The following PCSK5 variants were observed in gnomAD, a reference collection of about 807,000 sequenced individuals.
PCSK5 encodes the protein prohormone convertase 5.
PCSK5 carries 129 observed loss-of-function variants against 233.2 expected under a neutral mutation model. The observed-to-expected ratio is 0.55, with a 90% CI of 0.48 to 0.64. The LOEUF is 0.64. PCSK5 is among the 30% of genes least tolerant of loss of function. The pLI is 0.00. For missense variants in PCSK5, 2,076 were observed against 2,430.1 expected (o/e 0.85, Z 3.06); for synonymous variants, 825 against 879.2 (o/e 0.94, Z 1.09).
At chr9:76,211,050 C>G (rs902879766) in intron 20 of PCSK5, among the ~76,000 whole-genome samples, 1 of 152,134 alleles carries the variant, frequency 6.6e-6, no homozygotes, top group African/African-American at 2.4e-5. Flanking sequence ...TTGGAGATAC[C>G]TGTAAAGTAT....
At chr9:75,914,578 C>T (rs1016540853) in intron 1 of PCSK5, among the ~76,000 whole-genome samples, 5 of 151,968 alleles carry the variant, frequency 3.3e-5, no homozygotes, top group African/African-American at 9.7e-5. Context: ...AATGAAAAAA[C>T]GAAGTCCCCT....
At chr9:76,286,963 C>T (rs941727415) in intron 24 of PCSK5, 28 of 228,756 alleles carry the variant, frequency 1.2e-4, no homozygotes, top group Admixed American at 8.9e-4. Flanking sequence ...GAAAGCACAC[C>T]GCTGTCTCTG....
Position 76,161,440 on chromosome 9 carries a change from C to T in PCSK5, c.1619+2269C>T, listed in dbSNP as rs1006810612. On this transcript the variant is annotated intron_variant, in intron 12 of 37. Transcript: ENST00000674117. ...CCGAAGCTAGGGAAGGCCTTTATTT[C>T]TTGCTTTTTTTTTTTTTCTTTACCA... Among the ~76,000 whole-genome samples, 32 of 133,566 alleles carry T rather than the reference C, an allele frequency of 2.4e-4. No individual in the cohort carries two copies. The East Asian group carries it at 6.1e-3, about 26-fold the overall frequency. The allele number at this position is 133,566 out of a possible 152,430, so 87.6% of individuals were successfully genotyped here. A position where few individuals can be genotyped will look rare whatever the true frequency, so the allele number is the denominator to read the frequency against.
intron 9 of PCSK5, among the ~76,000 whole-genome samples, chr9:76,123,585 A>G (rs1040353680): frequency 6.6e-6 from 1 of 152,196 alleles, no homozygotes; most frequent in Non-Finnish European, 1.5e-5. Flanking sequence ...TTTTATCCCC[A>G]GAAGAATTCT....
rs960074149 is a variant in PCSK5 at position 75,916,265 on chromosome 9, G to A, written c.193-16114G>A. Among the ~76,000 whole-genome samples, 4 of 152,286 alleles carry A rather than the reference G, an allele frequency of 2.6e-5. No individual in the cohort carries two copies. In the East Asian group the frequency reaches 7.7e-4, roughly 29 times the overall value. ...TATGGTGAAAATAGCACTGAGCTTGGTGTCGGAAAAATCTTGTTTCTTTCT... is the reference window on the plus strand; with the variant it reads ...TATGGTGAAAATAGCACTGAGCTTGATGTCGGAAAAATCTTGTTTCTTTCT... On this transcript the variant is annotated intron_variant, in intron 1 of 37. Coordinates refer to ENST00000674117, the MANE Select transcript of PCSK5 (RefSeq NM_001372043.1).
chr9:76,132,467 C>A (rs958510463), intron 9 of PCSK5, among the ~76,000 whole-genome samples: 2 of 151,938 alleles, frequency 1.3e-5, no homozygotes, highest in African/African-American at 4.8e-5. Flanking sequence ...TATAACTTTA[C>A]CAAGTAGTCT....
intron 1 of PCSK5, among the ~76,000 whole-genome samples, chr9:75,900,681 A>G: frequency 9.8e-6 from 1 of 101,806 alleles, no homozygotes; most frequent in Non-Finnish European, 2.0e-5. Context: ...TCTGTCTCAA[A>G]AAAAAAAAAA....
intron 34 of PCSK5, among the ~76,000 whole-genome samples, chr9:76,335,370 G>T (rs1391213562): frequency 2.0e-5 from 3 of 152,184 alleles, no homozygotes; most frequent in African/African-American, 7.2e-5. Context: ...TATTCATGAG[G>T]TATATGAGAA....
intron 2 of PCSK5, among the ~76,000 whole-genome samples, chr9:75,970,453 C>T (rs1825769534): frequency 6.6e-6 from 1 of 152,142 alleles, no homozygotes. Context: ...GGCTTTTATT[C>T]TCTACTCATC....
chr9:76,235,338 A>C (rs1826220415), intron 22 of PCSK5, among the ~76,000 whole-genome samples: 1 of 152,208 alleles, frequency 6.6e-6, no homozygotes, highest in Admixed American at 6.5e-5. Flanking sequence ...AGAAAGTACA[A>C]GATGGCATCC....
intron 13 of PCSK5, among the ~76,000 whole-genome samples, chr9:76,171,440 C>T (rs1032607823): frequency 6.6e-6 from 1 of 152,184 alleles, no homozygotes; most frequent in Non-Finnish European, 1.5e-5. Flanking sequence ...TGTTTTTGAG[C>T]ATTTTAAAGT....
intron 2 of PCSK5, among the ~76,000 whole-genome samples, chr9:75,968,723 G>T (rs1825697013): frequency 6.6e-6 from 1 of 152,198 alleles, no homozygotes; most frequent in East Asian, 1.9e-4. Flanking sequence ...GAGAAAATGA[G>T]CATCTAAGTT....
chr9:76,214,406 A>T (rs1825447522), intron 20 of PCSK5, among the ~76,000 whole-genome samples: 1 of 152,080 alleles, frequency 6.6e-6, no homozygotes. Flanking sequence ...ATGAAATCTC[A>T]TCTCTACTAC....
intron 1 of PCSK5, among the ~76,000 whole-genome samples, chr9:75,896,374 C>G (rs1296388899): frequency 6.6e-6 from 1 of 152,168 alleles, no homozygotes; most frequent in East Asian, 1.9e-4. Context: ...CTTTCATGGG[C>G]TTACATCCAG....
intron 10 of PCSK5, among the ~76,000 whole-genome samples, chr9:76,137,336 T>C (rs1005983285): frequency 2.0e-5 from 3 of 152,120 alleles, no homozygotes; most frequent in Non-Finnish European, 4.4e-5. Flanking sequence ...AAAAGCACTC[T>C]GTAAATGACC....
intron 28 of PCSK5, among the ~76,000 whole-genome samples, chr9:76,307,358 A>G (rs1380285647): frequency 6.6e-6 from 1 of 152,186 alleles, no homozygotes; most frequent in African/African-American, 2.4e-5. Flanking sequence ...AGATGTCAAC[A>G]TTGATTGAGG....
chr9:75,897,128 A>C (rs979251701), intron 1 of PCSK5, among the ~76,000 whole-genome samples: 1 of 152,158 alleles, frequency 6.6e-6, no homozygotes, highest in Non-Finnish European at 1.5e-5. Context: ...CAGGTGACCT[A>C]ATAGTGAAGA....
At chr9:75,916,258 G>T (rs1296965230) in intron 1 of PCSK5, among the ~76,000 whole-genome samples, 3 of 152,204 alleles carry the variant, frequency 2.0e-5, no homozygotes, top group African/African-American at 7.2e-5. Flanking sequence ...AAATAGCACT[G>T]AGCTTGGTGT....
At chr9:76,206,229 T>A (rs1433156912) in intron 20 of PCSK5, among the ~76,000 whole-genome samples, 1 of 152,184 alleles carries the variant, frequency 6.6e-6, no homozygotes, top group African/African-American at 2.4e-5. Context: ...CCACCAACAC[T>A]GGTGTTAACT....
Sources: gnomAD v4.1 joint callset for allele counts (sites outside exome capture counted in the v4.1 genomes callset) on GRCh38, gnomAD v4.1.1 for gene constraint, MANE v1.5 for transcripts, NCBI Gene and HGNC (gene_info 2026-07-23, HGNC 2026-07-21) for gene names.